The following GRAMD1B variants were observed in gnomAD, a reference collection of about 807,000 sequenced individuals.
GRAMD1B encodes protein Aster-B.
A neutral mutation model predicts 99.7 loss-of-function variants in GRAMD1B; 37 were observed. That is an observed-to-expected ratio of 0.37 (90% CI 0.29 to 0.49). GRAMD1B has a LOEUF of 0.49. Ranked by LOEUF, GRAMD1B falls within the 20% of genes least tolerant of loss-of-function variation. GRAMD1B has a pLI of 0.98. For missense variants in GRAMD1B, 888 were observed against 1,009.2 expected, an observed-to-expected ratio of 0.88 and a Z score of 1.63; for synonymous variants, 427 against 387.6, an observed-to-expected ratio of 1.10 and a Z score of -1.19.
intron 2 of GRAMD1B, among the ~76,000 whole-genome samples, chr11:123,536,807 G>A (rs1356304049): frequency 6.6e-6 from 1 of 152,100 alleles, no homozygotes; most frequent in Non-Finnish European, 1.5e-5. Flanking sequence ...TCTCATTGCT[G>A]GAGCTCTTCC....
intron 1 of GRAMD1B, among the ~76,000 whole-genome samples, chr11:123,406,321 T>A (rs1226185112): frequency 6.6e-6 from 1 of 151,738 alleles, no homozygotes; most frequent in Non-Finnish European, 1.5e-5. Flanking sequence ...TGGCACGATC[T>A]CAGCTCACTG....
At chr11:123,427,901 T>C (rs1011543352), upstream of GRAMD1B, among the ~76,000 whole-genome samples, 3 of 152,078 alleles carry the variant, frequency 2.0e-5, no homozygotes, top group Admixed American at 2.0e-4. Flanking sequence ...CTACTGTGAG[T>C]GGGAAAAGTG....
chr11:123,468,795 C>CA (rs11446671), intron 1 of GRAMD1B, among the ~76,000 whole-genome samples: 56,735 of 97,790 alleles, frequency 0.58, 15,391 homozygotes, highest in Middle Eastern at 0.67. Context: ...GACCCTGTAT[C>CA]AAAAAAAAAA....
In GRAMD1B at chr11:123,401,189, A is replaced by T. The variant is rs372303566; in HGVS notation, c.-176+42390A>T. Among the ~76,000 whole-genome samples, 4 of 152,246 alleles carry T rather than the reference A, an allele frequency of 2.6e-5. No individual in the cohort carries two copies. In the East Asian group the frequency reaches 7.7e-4, roughly 29 times the overall value. ...ATGCAGATATGATGAAATTGTTTCA[A>T]CAGTAACGTGAAGGATGGATTCAGC... On this transcript the variant is annotated intron_variant, in intron 1 of 20. Transcript: ENST00000638157.
At chr11:123,593,242 C>G (rs1011797743) in intron 4 of GRAMD1B, among the ~76,000 whole-genome samples, 1 of 151,834 alleles carries the variant, frequency 6.6e-6, no homozygotes, top group African/African-American at 2.4e-5. Flanking sequence ...AACAAACAAA[C>G]AAACAAACAA....
Position 123,625,514 on chromosome 11 carries a change from T to TTG in GRAMD1B, c.*2920_*2921dup, listed in dbSNP as rs1699055379. ...CTCTCTCCCTTCCTCATCCACCTCT[T>TTG]TGGGGACAAGAGGATTACATCTCAG... On this transcript the variant is annotated 3_prime_UTR_variant, in exon 20 of 20. Transcript: ENST00000635736. 6.6e-6 allele frequency: 1 copy of TTG among 152,204 alleles called. No individual in the cohort carries two copies. Among genetic ancestry groups the TTG allele is most frequent in the South Asian group, 2.1e-4 (1 of 4,830 alleles). The allele number at this position is 152,204 out of a possible 1,614,324, so 9.4% of individuals were successfully genotyped here.
chr11:123,467,925 G>A (rs1228164882), intron 1 of GRAMD1B, among the ~76,000 whole-genome samples: 16 of 148,230 alleles, frequency 1.1e-4, no homozygotes, highest in African/African-American at 3.5e-4. Context: ...GTGAAGTGGC[G>A]CAGTCTGAGT....
intron 2 of GRAMD1B, among the ~76,000 whole-genome samples, chr11:123,567,518 C>A (rs76232169): frequency 0.015 from 2,335 of 152,286 alleles, 64 homozygotes; most frequent in African/African-American, 0.054. Context: ...TTGGCTCTGG[C>A]AGGACCCAAA....
At chr11:123,375,843 T>C (rs1359698934) in intron 1 of GRAMD1B, among the ~76,000 whole-genome samples, 1 of 152,154 alleles carries the variant, frequency 6.6e-6, no homozygotes, top group Non-Finnish European at 1.5e-5. Flanking sequence ...AGGAAAGAAG[T>C]TTTCGTGTAC....
At chr11:123,447,442 G>A (rs1300479043) in intron 1 of GRAMD1B, among the ~76,000 whole-genome samples, 1 of 152,192 alleles carries the variant, frequency 6.6e-6, no homozygotes, top group Non-Finnish European at 1.5e-5. Context: ...CCAGGAAGGA[G>A]CCGTATCTTC....
At chr11:123,452,524 T>C (rs1470995525) in intron 1 of GRAMD1B, among the ~76,000 whole-genome samples, 5 of 152,130 alleles carry the variant, frequency 3.3e-5, no homozygotes, top group Non-Finnish European at 7.4e-5. Context: ...TGGGTACCTG[T>C]AATTTCAGCT....
At chr11:123,549,326 C>T (rs1591946724) in intron 2 of GRAMD1B, among the ~76,000 whole-genome samples, 1 of 152,070 alleles carries the variant, frequency 6.6e-6, no homozygotes, top group Non-Finnish European at 1.5e-5. Flanking sequence ...GGGTGGATCA[C>T]GAGGTCAGGA....
At chr11:123,579,324 G>C (rs1364876543) in intron 3 of GRAMD1B, among the ~76,000 whole-genome samples, 1 of 152,216 alleles carries the variant, frequency 6.6e-6, no homozygotes, top group Non-Finnish European at 1.5e-5. Context: ...TCCGTGCTTT[G>C]GGGAGGAGGA....
At chr11:123,566,424 G>C (rs887541491) in intron 2 of GRAMD1B, among the ~76,000 whole-genome samples, 2 of 152,206 alleles carry the variant, frequency 1.3e-5, no homozygotes, top group Non-Finnish European at 2.9e-5. Context: ...GCTTTAGAAA[G>C]ACATGTCTAT....
At chr11:123,545,991 C>T (rs775568442) in intron 2 of GRAMD1B, among the ~76,000 whole-genome samples, 4 of 152,246 alleles carry the variant, frequency 2.6e-5, no homozygotes, top group East Asian at 1.9e-4. Context: ...AAATCCCTTC[C>T]TGGTTTCCAC....
rs572811123 is a variant in GRAMD1B, at chr11:123,361,774, C to G, written c.-176+2975C>G. Among the ~76,000 whole-genome samples, 5 of 152,288 alleles carry G rather than the reference C, an allele frequency of 3.3e-5. 1 individual carries two copies. The South Asian group carries it at 1.0e-3, about 32-fold the overall frequency. ...ACTCCAGTATCTGCTCTGCTTCATA[C>G]CTGGTGGGTCTGCATTGCACATCTG... On this transcript the variant is annotated intron_variant, in intron 1 of 20. Transcript: ENST00000638157.
intron 2 of GRAMD1B, among the ~76,000 whole-genome samples, chr11:123,532,793 C>T (rs1943533459): frequency 6.6e-6 from 1 of 152,190 alleles, no homozygotes. Context: ...TATTAGAACA[C>T]AGGCATACCA....
At position 123,610,379 on chromosome 11, in the gene GRAMD1B, C is replaced by T; in HGVS notation, c.1919+41C>T. The T allele has an allele frequency of 6.2e-7, 1 of 1,603,064 alleles. No homozygotes were observed. The highest frequency in any genetic ancestry group is 8.5e-7 in the Non-Finnish European group (1 of 1,170,598). On this transcript the variant is annotated intron_variant, in intron 14 of 19. Coordinates refer to ENST00000635736, the MANE Select transcript of GRAMD1B (RefSeq NM_001387025.1). This position sits in a 1 kb window ranked among gnomAD's most constrained non-coding sequence, Gnocchi z 4.1. Reference sequence around the variant, plus strand: ...GTCCCAGTGCGGTCAGACGGGGGTCCTTACCTTAGAGAACATTCATTTGCT... The same window carrying T: ...GTCCCAGTGCGGTCAGACGGGGGTCTTTACCTTAGAGAACATTCATTTGCT...
At chr11:123,450,225 A>C (rs1949826182) in intron 1 of GRAMD1B, among the ~76,000 whole-genome samples, 1 of 152,094 alleles carries the variant, frequency 6.6e-6, no homozygotes, top group South Asian at 2.1e-4. Context: ...AAGACCCATA[A>C]CAGTTTTGAA....
Sources: gnomAD v4.1 joint callset for allele counts (sites outside exome capture counted in the v4.1 genomes callset) on GRCh38, gnomAD v4.1.1 for gene constraint, Gnocchi (gnomAD v3.1) non-coding constraint, MANE v1.5 for transcripts, NCBI Gene and HGNC (gene_info 2026-07-23, HGNC 2026-07-21) for gene names.